The following TERT variants were observed in gnomAD, a reference collection of about 807,000 sequenced individuals.
TERT encodes the protein telomerase catalytic subunit.
A neutral mutation model predicts 104.0 loss-of-function variants in TERT; 42 were observed. That is an observed-to-expected ratio of 0.40 (90% CI 0.32 to 0.52). TERT has a LOEUF of 0.52. Among genes scored for constraint, TERT ranks in the 20% least tolerant of loss-of-function variants. TERT has a pLI of 0.43. For missense variants in TERT, 1,101 were observed against 1,610.3 expected, an observed-to-expected ratio of 0.68 and a Z score of 5.41; for synonymous variants, 781 against 725.6, an observed-to-expected ratio of 1.08 and a Z score of -1.23.
At chr5:1,275,112 C>T (rs1749459493) in intron 6 of TERT, among the ~76,000 whole-genome samples, 1 of 152,190 alleles carries the variant, frequency 6.6e-6, no homozygotes, top group East Asian at 1.9e-4. Flanking sequence ...CGGCGGTTCA[C>T]ACCTGTCATC....
rs1751031723 is a variant in TERT at position 1,292,131 on chromosome 5, A to G, written c.1573+1182T>C. ...GACTTTTGCCACCATAAAAAGAAAA[A>G]AAGAAAAAAAAGAGCCCCAAGAAGG... On this transcript the variant is annotated intron_variant, in intron 2 of 15. Transcript: ENST00000310581. The surrounding 1 kb of genome is among the most constrained non-coding windows in gnomAD (Gnocchi z 5.5). Among the ~76,000 whole-genome samples the G allele has an allele frequency of 6.6e-6, 1 of 152,118 alleles. No individual in the cohort carries two copies. The highest frequency in any genetic ancestry group is 6.5e-5 in the Admixed American group (1 of 15,272).
chr5:1,277,363 C>T (rs959012256), intron 6 of TERT, among the ~76,000 whole-genome samples: 2 of 152,254 alleles, frequency 1.3e-5, no homozygotes, highest in Non-Finnish European at 2.9e-5. Context: ...CGCAGCCGTG[C>T]AGTCCGCACC....
intron 6 of TERT, among the ~76,000 whole-genome samples, chr5:1,277,292 C>T (rs1218154353): frequency 6.6e-6 from 1 of 152,244 alleles, no homozygotes; most frequent in East Asian, 1.9e-4. Context: ...CTGGAATTCA[C>T]CCAGAGGCGA....
intron 2 of TERT, among the ~76,000 whole-genome samples, chr5:1,291,424 C>A (rs1184880904): frequency 4.8e-4 from 36 of 74,844 alleles, no homozygotes; most frequent in Non-Finnish European, 5.3e-4. Context: ...GGGACAGGGA[C>A]ACCCGGGGAC....
chr5:1,276,950 T>C (rs1214525831), intron 6 of TERT, among the ~76,000 whole-genome samples: 1 of 152,206 alleles, frequency 6.6e-6, no homozygotes, highest in Non-Finnish European at 1.5e-5. Flanking sequence ...GGCACAGAGA[T>C]TCACAGTGCA....
chr5:1,289,803 C>G, intron 2 of TERT, among the ~76,000 whole-genome samples: 1 of 109,318 alleles, frequency 9.1e-6, no homozygotes, highest in Admixed American at 8.5e-5. Context: ...GGGACCGCGC[C>G]TCACTCACCC....
rs1554043134 is a variant in TERT at position 1,294,801 on chromosome 5, C to T, written c.189G>A (p.Arg63=). ...QCLVCVPWDA[R]PPPAAPSFRQ... ...GGAAGGAGGGGGCGGCGGGGGGCGG[C>T]CGTGCGTCCCAGGGCACGCACACCA... is the stretch of plus-strand genomic sequence containing the variant. Residue 63 remains arginine, a synonymous_variant, in exon 1 of 16, where the codon CGG becomes CGA. Transcript: ENST00000310581. The T allele has an allele frequency of 1.3e-6, 2 of 1,521,850 alleles. No homozygotes were observed. The highest frequency in any genetic ancestry group is 2.0e-5 in the Admixed American group (1 of 49,944). 94.3% of individuals were successfully genotyped at this position (1,521,850 alleles called of 1,614,324 possible).
At position 1,257,606 on chromosome 5, in the gene TERT, G is replaced by A. The variant is rs1450733969; in HGVS notation, c.3032+992C>T. Among the ~76,000 whole-genome samples the A allele has an allele frequency of 6.6e-6, 1 of 152,198 alleles. No homozygotes were observed. The highest frequency in any genetic ancestry group is 2.4e-5 in the African/African-American group (1 of 41,458). Reference sequence around the variant, plus strand: ...GCCTGGTCCCAAGCCTCTGGAGCTGGTGCAAAGGCGGTAACATGCAGCTGT... The same window carrying A: ...GCCTGGTCCCAAGCCTCTGGAGCTGATGCAAAGGCGGTAACATGCAGCTGT... On this transcript the variant is annotated intron_variant, in intron 13 of 15. Transcript: ENST00000310581. This position sits in a 1 kb window ranked among gnomAD's most constrained non-coding sequence, Gnocchi z 5.6.
At chr5:1,277,121 G>C (rs1312424745) in intron 6 of TERT, among the ~76,000 whole-genome samples, 1 of 152,196 alleles carries the variant, frequency 6.6e-6, no homozygotes, top group East Asian at 1.9e-4. Context: ...TGGGCATCAA[G>C]AGAGCCCCCT....
At chr5:1,271,059 G>A in intron 8 of TERT, 60 bp downstream of exon 8, 1 of 1,378,680 alleles carries the variant, frequency 7.3e-7, no homozygotes, top group Non-Finnish European at 1.0e-6. Context: ...GAGGTGAGCA[G>A]AAGCCCTGCC....
In TERT at chr5:1,263,858, C is replaced by A. The variant is rs1332091247; in HGVS notation, c.2843+546G>T. Among the ~76,000 whole-genome samples, 4 of 152,242 alleles carry A rather than the reference C, an allele frequency of 2.6e-5. No individual in the cohort carries two copies. Among genetic ancestry groups the A allele is most frequent in the Non-Finnish European group, 2.9e-5 (2 of 68,040 alleles). ...CCCAGAATTTTGTAGAGACCCCCCC[C>A]ACACCATGGCCCTGTCCCCTGATGG... On this transcript the variant is annotated intron_variant, in intron 11 of 15. Coordinates refer to ENST00000310581, the MANE Select transcript of TERT (RefSeq NM_198253.3). The surrounding 1 kb of genome is among the most constrained non-coding windows in gnomAD (Gnocchi z 5.3).
chr5:1,293,857 G>C lies in TERT; in HGVS notation c.1029C>G (p.Pro343=). Residue 343 remains proline (P), a synonymous_variant, in exon 2 of 16, where the codon CCC becomes CCG. Coordinates refer to ENST00000310581, the MANE Select transcript of TERT (RefSeq NM_198253.3). ...GCCTCAGAGAGCTGAGTAGGAAGGA[G>C]GGCCGCAGCTGCTCCTTGTCGCCTG... The part of the protein sequence containing the change: ...YSSGDKEQLR[P]SFLLSSLRPS... 1.9e-6 allele frequency: 3 copies of C among 1,546,804 alleles called. No homozygotes were observed. In the East Asian group the frequency reaches 7.3e-5, roughly 38 times the overall value.
At chr5:1,285,269 C>A (rs1246321489) in intron 2 of TERT, among the ~76,000 whole-genome samples, 1 of 151,798 alleles carries the variant, frequency 6.6e-6, no homozygotes, top group South Asian at 2.1e-4. Context: ...GTGCACCATC[C>A]GGACACTGCA....
rs746511287 is a variant in TERT at position 1,258,560 on chromosome 5, C to G, written c.3032+38G>C. 1.9e-6 allele frequency: 3 copies of G among 1,550,344 alleles called. No homozygotes were observed. In the African/African-American group the frequency reaches 4.1e-5, roughly 21 times the overall value. ...AGAGGTGAGCAGAGCGCGGAGGGTC[C>G]CTGGAGGCTGGGCCTGCACCCCTTG... is the stretch of plus-strand genomic sequence containing the variant. On this transcript the variant is annotated intron_variant, in intron 13 of 15. Transcript: ENST00000310581.
chr5:1,271,324 G>A (rs1749019292), intron 7 of TERT, 120 bp from the exon 8 acceptor site: 5 of 756,868 alleles, frequency 6.6e-6, no homozygotes, highest in South Asian at 1.5e-5. Context: ...GTGCGGGGCT[G>A]GGCTGGAATG....
chr5:1,281,335 G>A, intron 3 of TERT, among the ~76,000 whole-genome samples: 1 of 152,198 alleles, frequency 6.6e-6, no homozygotes, highest in Non-Finnish European at 1.5e-5. Flanking sequence ...TGTTACCTCT[G>A]ACGAGGTCTG....
At chr5:1,254,536 G>A in intron 14 of TERT, 31 bp from the exon 15 acceptor site, 1 of 1,597,104 alleles carries the variant, frequency 6.3e-7, no homozygotes, top group Non-Finnish European at 8.5e-7. Flanking sequence ...AGGAGTCACA[G>A]GCCCAGCCCA....
chr5:1,271,086 C>A, intron 8 of TERT, 33 bp downstream of exon 8: 1 of 1,577,268 alleles, frequency 6.3e-7, no homozygotes, highest in Non-Finnish European at 8.7e-7. Context: ...CCCAGCCACC[C>A]GCAGGGCAAT....
intron 6 of TERT, among the ~76,000 whole-genome samples, chr5:1,276,443 TTCACATATC>T (rs1749597649): frequency 7.6e-6 from 1 of 132,246 alleles, no homozygotes; most frequent in Non-Finnish European, 1.6e-5. Context: ...TGAAAACCAA[TTCACATATC>T]CCCACCTACC....
Sources: gnomAD v4.1 joint callset for allele counts (sites outside exome capture counted in the v4.1 genomes callset) on GRCh38, gnomAD v4.1.1 for gene constraint, Gnocchi (gnomAD v3.1) non-coding constraint, MANE v1.5 for transcripts, NCBI Gene and HGNC (gene_info 2026-07-23, HGNC 2026-07-21) for gene names.